Variants in LRP1B observed in about 807,000 individuals in gnomAD.
LRP1B encodes LDL receptor related protein 1B.
Under a neutral mutation model 556.6 loss-of-function variants are expected in LRP1B, and 217 were observed. The ratio of observed to expected loss-of-function variants is 0.39; its 90% CI spans 0.35 to 0.44. The LOEUF (loss-of-function observed/expected upper bound fraction) is 0.44, where lower values mean the gene tolerates loss of function less well. Ranked by LOEUF, LRP1B falls within the 20% of genes least tolerant of loss-of-function variation. The pLI is 1.00. For missense variants in LRP1B, 5,053 were observed against 5,620.8 expected, an observed-to-expected ratio of 0.90 and a Z score of 3.23; for synonymous variants, 2,047 against 1,865.8, an observed-to-expected ratio of 1.10 and a Z score of -2.50.
At chr2:140,427,617 C>A in intron 66 of LRP1B, among the ~76,000 whole-genome samples, 1 of 152,106 alleles carries the variant, frequency 6.6e-6, no homozygotes, top group East Asian at 1.9e-4. Context: ...AATGGGCAAA[C>A]GGTCTGAGGT....
chr2:141,743,113 T>TA (rs768595866), intron 2 of LRP1B, among the ~76,000 whole-genome samples: 9 of 152,146 alleles, frequency 5.9e-5, no homozygotes, highest in African/African-American at 1.2e-4. Context: ...GGATGATTGT[T>TA]ATAGCTATGT....
chr2:140,712,304 A>T (rs190399978), intron 37 of LRP1B, among the ~76,000 whole-genome samples: 1 of 152,054 alleles, frequency 6.6e-6, no homozygotes, highest in Admixed American at 6.6e-5. Context: ...ATTATGTTCA[A>T]AATTAAATAT....
At chr2:141,661,429 A>G (rs1189959950) in intron 2 of LRP1B, among the ~76,000 whole-genome samples, 3 of 152,216 alleles carry the variant, frequency 2.0e-5, no homozygotes, top group Non-Finnish European at 2.9e-5. Flanking sequence ...GGTAAGAACC[A>G]TGATAAAACA....
chr2:140,626,732 C>A (rs1683676722), intron 41 of LRP1B, among the ~76,000 whole-genome samples: 1 of 147,094 alleles, frequency 6.8e-6, no homozygotes, highest in African/African-American at 2.5e-5. Context: ...AAATAAGGAT[C>A]ATCCAAAGGT....
chr2:141,840,024 T>G (rs1697413056), intron 1 of LRP1B, among the ~76,000 whole-genome samples: 1 of 152,182 alleles, frequency 6.6e-6, no homozygotes, highest in African/African-American at 2.4e-5. Context: ...CTCCTCATTT[T>G]TATATTGTGC....
At chr2:140,875,661 A>G (rs564714780) in intron 25 of LRP1B, among the ~76,000 whole-genome samples, 1 of 152,134 alleles carries the variant, frequency 6.6e-6, no homozygotes, top group Non-Finnish European at 1.5e-5. Flanking sequence ...GTCTTTTCTG[A>G]CCTAATTAAT....
intron 77 of LRP1B, among the ~76,000 whole-genome samples, chr2:140,343,643 G>A (rs190583065): frequency 4.6e-4 from 70 of 151,716 alleles, no homozygotes; most frequent in Admixed American, 2.2e-3. Context: ...GACTTTTTAT[G>A]GTAAGATTCT....
intron 2 of LRP1B, among the ~76,000 whole-genome samples, chr2:141,575,542 C>T (rs144351370): frequency 0.077 from 11,741 of 152,158 alleles, 557 homozygotes; most frequent in South Asian, 0.14. Context: ...CAGGCATGGG[C>T]AAAGACTTCA....
At chr2:140,851,526 T>C in intron 28 of LRP1B, 126 bp downstream of exon 28, 3 of 1,039,384 alleles carry the variant, frequency 2.9e-6, no homozygotes, top group Non-Finnish European at 2.8e-6. Flanking sequence ...CACCACCACC[T>C]AAAATATTTT....
chr2:140,574,270 T>C (rs1175072875), intron 43 of LRP1B, among the ~76,000 whole-genome samples: 1 of 152,172 alleles, frequency 6.6e-6, no homozygotes, highest in Non-Finnish European at 1.5e-5. Flanking sequence ...TTAAAAATTA[T>C]AGTAAAGATA....
At position 141,136,675 on chromosome 2, in the gene LRP1B, G is replaced by GA. The variant is rs530575296; in HGVS notation, c.1013+51745dup. On this transcript the variant is annotated intron_variant, in intron 7 of 90. Coordinates refer to ENST00000389484, the MANE Select transcript of LRP1B (RefSeq NM_018557.3). ...TCTGATCTGATGGTAAATTAATTAG[G>GA]AAAAAGGTACCTATTATATTTGTAA... Among the ~76,000 whole-genome samples the GA allele has an allele frequency of 6.6e-4, 99 of 150,756 alleles. 1 individual carries two copies. The highest frequency in any genetic ancestry group is 1.9e-3 in the Admixed American group (29 of 15,070).
Position 141,463,282 on chromosome 2 carries a change from T to C in LRP1B, c.343+17114A>G, listed in dbSNP as rs923754078. On this transcript the variant is annotated intron_variant, in intron 3 of 90. Transcript: ENST00000389484. ...ATTATATATTCCATCTGTATCTGAA[T>C]AGCAAAGAATTGTTGTAATTTTAGA... Among the ~76,000 whole-genome samples the C allele has an allele frequency of 4.1e-4, 62 of 152,014 alleles. 1 individual carries two copies. Among genetic ancestry groups the C allele is most frequent in the Admixed American group, 4.0e-3 (61 of 15,246 alleles).
chr2:141,155,946 T>C (rs190205819), intron 7 of LRP1B, among the ~76,000 whole-genome samples: 131 of 152,278 alleles, frequency 8.6e-4, no homozygotes, highest in Non-Finnish European at 1.6e-3. Flanking sequence ...GTCAGGATAA[T>C]GTTCCTTGAC....
At chr2:140,522,441 G>C (rs531040434) in intron 49 of LRP1B, among the ~76,000 whole-genome samples, 1 of 151,796 alleles carries the variant, frequency 6.6e-6, no homozygotes, top group Non-Finnish European at 1.5e-5. Flanking sequence ...TAAAAGGAAG[G>C]TTTATAGTAC....
chr2:140,810,425 G>A (rs1388782623), intron 32 of LRP1B, among the ~76,000 whole-genome samples: 1 of 151,932 alleles, frequency 6.6e-6, no homozygotes, highest in African/African-American at 2.4e-5. Context: ...GCAGTCTTCA[G>A]TAATCCCCTG....
intron 59 of LRP1B, among the ~76,000 whole-genome samples, chr2:140,483,120 GT>G (rs1688308453): frequency 6.6e-6 from 1 of 152,010 alleles, no homozygotes. Flanking sequence ...TAAAATAGTT[GT>G]TTTTAATTGT....
chr2:141,385,827 G>T (rs1292714921), intron 3 of LRP1B, among the ~76,000 whole-genome samples: 1 of 152,148 alleles, frequency 6.6e-6, no homozygotes, highest in Non-Finnish European at 1.5e-5. Context: ...GTTTGCTGTT[G>T]CTATTGTGTA....
chr2:141,665,447 G>A (rs997534685), intron 2 of LRP1B, among the ~76,000 whole-genome samples: 3 of 152,190 alleles, frequency 2.0e-5, no homozygotes, highest in African/African-American at 4.8e-5. Flanking sequence ...TGGTGAGTCT[G>A]TGGAGAAGTT....
chr2:141,710,735 A>T (rs546834547), intron 2 of LRP1B, among the ~76,000 whole-genome samples: 149 of 152,354 alleles, frequency 9.8e-4, no homozygotes, highest in African/African-American at 3.5e-3. Context: ...ACTAAGATTT[A>T]GAACCACAAA....
Sources: gnomAD v4.1 joint callset for allele counts (sites outside exome capture counted in the v4.1 genomes callset) on GRCh38, gnomAD v4.1.1 for gene constraint, MANE v1.5 for transcripts, NCBI Gene and HGNC (gene_info 2026-07-23, HGNC 2026-07-21) for gene names.